The following PRKCE variants were observed in gnomAD, a reference collection of about 807,000 sequenced individuals.
PRKCE encodes protein kinase C epsilon type.
In PRKCE, 16 loss-of-function variants were observed where a neutral mutation model predicts 85.4. That is an observed-to-expected ratio of 0.19 (90% CI 0.13 to 0.28). The LOEUF is 0.28. Ranked by LOEUF, PRKCE falls within the 10% of genes least tolerant of loss-of-function variation. The pLI, the probability that PRKCE is intolerant of heterozygous loss-of-function variation, is 1.00. For synonymous variants in PRKCE, 388 were observed against 371.5 expected, an observed-to-expected ratio of 1.04 and a Z score of -0.51; for missense variants, 573 against 975.2, an observed-to-expected ratio of 0.59 and a Z score of 5.49.
intron 1 of PRKCE, among the ~76,000 whole-genome samples, chr2:45,791,450 G>T (rs1687024798): frequency 6.6e-6 from 1 of 152,156 alleles, no homozygotes; most frequent in Non-Finnish European, 1.5e-5. Flanking sequence ...TCTAGTTTCA[G>T]GCTACCCTGT....
At chr2:45,828,039 G>C (rs1690092345) in intron 1 of PRKCE, among the ~76,000 whole-genome samples, 1 of 152,162 alleles carries the variant, frequency 6.6e-6, no homozygotes, top group African/African-American at 2.4e-5. Flanking sequence ...TGAATAGCTG[G>C]ATGATAGGCA....
At chr2:46,102,275 C>T (rs1286636505) in intron 11 of PRKCE, among the ~76,000 whole-genome samples, 1 of 152,208 alleles carries the variant, frequency 6.6e-6, no homozygotes, top group African/African-American at 2.4e-5. Flanking sequence ...AGTGTGTTAA[C>T]AGGCCTACAC....
chr2:46,088,772 C>T (rs916212290), intron 11 of PRKCE, among the ~76,000 whole-genome samples: 2 of 152,100 alleles, frequency 1.3e-5, no homozygotes, highest in Non-Finnish European at 2.9e-5. Flanking sequence ...TCTTGAGATG[C>T]CTTCCCCATC....
At chr2:45,780,574 C>G (rs905216501) in intron 1 of PRKCE, among the ~76,000 whole-genome samples, 1 of 152,210 alleles carries the variant, frequency 6.6e-6, no homozygotes, top group African/African-American at 2.4e-5. Flanking sequence ...CTGGCCTCCC[C>G]AAGCAATCCC....
Position 46,004,684 on chromosome 2 carries a change from G to A in PRKCE, c.1063+46G>A. On this transcript the variant is annotated intron_variant, in intron 8 of 14. Transcript: ENST00000306156. This position sits in a 1 kb window ranked among gnomAD's most constrained non-coding sequence, Gnocchi z 4.1. The stretch of plus-strand genomic sequence containing the variant: ...TCCTGACCTCTGAGTTCTGCCATTG[G>A]ATGGACCAAGGAGCTCTGAGGCCTC... The A allele has an allele frequency of 6.8e-7, 1 of 1,477,974 alleles. No individual in the cohort carries two copies. 91.6% of individuals were successfully genotyped at this position (1,477,974 alleles called of 1,614,324 possible). A position where few individuals can be genotyped will look rare whatever the true frequency, so the allele number is the denominator to read the frequency against.
At chr2:45,817,865 G>A (rs1443957742) in intron 1 of PRKCE, among the ~76,000 whole-genome samples, 1 of 152,182 alleles carries the variant, frequency 6.6e-6, no homozygotes, top group Non-Finnish European at 1.5e-5. Flanking sequence ...CTCTGAAGGT[G>A]AGAGGAGCCA....
chr2:45,865,910 C>T (rs1406281344), intron 2 of PRKCE, among the ~76,000 whole-genome samples: 1 of 150,782 alleles, frequency 6.6e-6, no homozygotes, highest in South Asian at 2.1e-4. Flanking sequence ...CTCAACCTCA[C>T]AGGCTCAAGT....
chr2:45,876,859 G>T (rs566773268), intron 2 of PRKCE, among the ~76,000 whole-genome samples: 2 of 152,072 alleles, frequency 1.3e-5, no homozygotes, highest in African/African-American at 2.4e-5. Flanking sequence ...GATATATTTG[G>T]GTGTGTAGCC....
At chr2:45,681,359 A>T (rs1676890256) in intron 1 of PRKCE, among the ~76,000 whole-genome samples, 1 of 147,858 alleles carries the variant, frequency 6.8e-6, no homozygotes, top group Admixed American at 6.8e-5. Context: ...CCTGGTGGGA[A>T]GTAATTGTGA....
intron 2 of PRKCE, among the ~76,000 whole-genome samples, chr2:45,949,713 C>T (rs1700492044): frequency 2.0e-5 from 3 of 151,946 alleles, no homozygotes; most frequent in Admixed American, 2.0e-4. Flanking sequence ...TTTTCTCCCC[C>T]AGTTTGACAA....
chr2:46,123,270 CAGAGTAA>C (rs1174554828), intron 11 of PRKCE, among the ~76,000 whole-genome samples: 1 of 99,806 alleles, frequency 1.0e-5, no homozygotes, highest in African/African-American at 4.0e-5. Flanking sequence ...AAAGGAAACT[CAGAGTAA>C]AGAGATAAGC....
rs1667841725 is a variant in PRKCE, at chr2:46,068,870, G to A, written c.1438-17338G>A. Among the ~76,000 whole-genome samples the A allele has an allele frequency of 6.6e-6, 1 of 152,210 alleles. No individual in the cohort carries two copies. The highest frequency in any genetic ancestry group is 1.9e-4 in the East Asian group (1 of 5,200). ...ATTGAAATTTAGATTACCACCAGAC[G>A]ACAGGAGCTGTGGTCCTTGTGACTC... is the stretch of plus-strand genomic sequence containing the variant. On this transcript the variant is annotated intron_variant, in intron 10 of 14. Coordinates refer to ENST00000306156, the MANE Select transcript of PRKCE (RefSeq NM_005400.3). The surrounding 1 kb of genome is among the most constrained non-coding windows in gnomAD (Gnocchi z 4.3).
chr2:45,858,273 A>AT (rs1365139680), intron 2 of PRKCE, among the ~76,000 whole-genome samples: 3 of 152,150 alleles, frequency 2.0e-5, no homozygotes, highest in South Asian at 2.1e-4. Flanking sequence ...TTTATTTTTA[A>AT]TTTTTTTAAA....
At chr2:45,874,127 G>A (rs992730782) in intron 2 of PRKCE, among the ~76,000 whole-genome samples, 2 of 152,216 alleles carry the variant, frequency 1.3e-5, no homozygotes, top group Non-Finnish European at 2.9e-5. Flanking sequence ...CAAGTTCTAT[G>A]AAGTCACACC....
chr2:46,131,720 C>A (rs1043340122), intron 11 of PRKCE, among the ~76,000 whole-genome samples: 1 of 152,190 alleles, frequency 6.6e-6, no homozygotes, highest in Non-Finnish European at 1.5e-5. Flanking sequence ...GGTGGGTTTT[C>A]TCTGAATAGG....
chr2:45,928,195 A>G (rs2104009650), intron 2 of PRKCE, among the ~76,000 whole-genome samples: 1 of 152,318 alleles, frequency 6.6e-6, no homozygotes, highest in East Asian at 1.9e-4. Flanking sequence ...AGTGACCTCT[A>G]CAAATTTTGC....
At chr2:45,947,725 A>T (rs1170794614) in intron 2 of PRKCE, among the ~76,000 whole-genome samples, 1 of 152,112 alleles carries the variant, frequency 6.6e-6, no homozygotes, top group East Asian at 1.9e-4. Flanking sequence ...TTATTTTCCA[A>T]TTGATAGGCA....
chr2:45,950,892 T>TA (rs1363424365), intron 2 of PRKCE, among the ~76,000 whole-genome samples: 1 of 152,170 alleles, frequency 6.6e-6, no homozygotes, highest in African/African-American at 2.4e-5. Flanking sequence ...CTCCTCTAAT[T>TA]AAGTCCTGGA....
At chr2:45,775,686 G>T (rs1269656323) in intron 1 of PRKCE, among the ~76,000 whole-genome samples, 1 of 152,094 alleles carries the variant, frequency 6.6e-6, no homozygotes, top group African/African-American at 2.4e-5. Flanking sequence ...CTCCTAATGG[G>T]TCTCTCGGCT....
Sources: gnomAD v4.1 joint callset for allele counts (sites outside exome capture counted in the v4.1 genomes callset) on GRCh38, gnomAD v4.1.1 for gene constraint, Gnocchi (gnomAD v3.1) non-coding constraint, MANE v1.5 for transcripts, NCBI Gene and HGNC (gene_info 2026-07-23, HGNC 2026-07-21) for gene names.